The following IL5RA variants were observed in gnomAD, a reference collection of about 807,000 sequenced individuals.
The protein encoded by IL5RA is interleukin-5 receptor subunit alpha.
IL5RA carries 49 observed loss-of-function variants against 50.0 expected under a neutral mutation model. The ratio of observed to expected loss-of-function variants is 0.98; its 90% CI spans 0.78 to 1.24. IL5RA has a LOEUF of 1.24. Ranked by LOEUF, IL5RA falls within the 50% of genes most tolerant of loss-of-function variation. The pLI is 0.00. For synonymous variants in IL5RA, 202 were observed against 174.0 expected, an observed-to-expected ratio of 1.16 and a Z score of -1.26; for missense variants, 600 against 500.4, an observed-to-expected ratio of 1.20 and a Z score of -1.90.
chr3:3,076,578 C>G lies in IL5RA; in HGVS notation c.1044G>C (p.Met348Ile). The G allele has an allele frequency of 2.5e-6, 4 of 1,612,796 alleles. No homozygotes were observed. Among genetic ancestry groups the G allele is most frequent in the Non-Finnish European group, 3.4e-6 (4 of 1,178,974 alleles). Residue 348 changes from methionine (M) to isoleucine (I), a missense_variant, in exon 10 of 12, where the codon ATG becomes ATC. Physicochemically the swap from Met to Ile is conservative, Grantham distance 10 (BLOSUM62 1). Coordinates refer to ENST00000446632, the MANE Select transcript of IL5RA (RefSeq NM_175726.4). ...TTAACAAGATGAAGCAGATGGTTGC[C>G]ATAATCACAATGACAAACCACTCTC... The part of the protein sequence containing the change: ...PLREWFVIVI[M>I]ATICFILLIL...
intron 5 of IL5RA, among the ~76,000 whole-genome samples, chr3:3,100,740 G>A (rs1437566548): frequency 1.3e-5 from 2 of 152,168 alleles, no homozygotes; most frequent in East Asian, 3.8e-4. Flanking sequence ...GTGGTTTGAC[G>A]TAAGCCACAT....
chr3:3,101,471 T>C (rs1703650506), intron 5 of IL5RA, among the ~76,000 whole-genome samples: 1 of 152,204 alleles, frequency 6.6e-6, no homozygotes. Context: ...TGGAGGCCAA[T>C]GCAGAGACAG....
At position 3,098,011 on chromosome 3, in the gene IL5RA, G is replaced by A. The variant is rs771417182; in HGVS notation, c.568C>T (p.Leu190=). The change falls in exon 7 of 12, where the codon CTG becomes TTG. Residue 190 remains leucine, a synonymous_variant. Transcript: ENST00000446632. ...EECQEYSKDT[L]GRNIACWFPR... ...AACCAGCATGCGATATTTCTCCCCA[G>A]TGTGTCTTTGCTGTATTCTTGGCAT... is the stretch of plus-strand genomic sequence containing the variant. 1.2e-6 allele frequency: 2 copies of A among 1,614,218 alleles called. No individual in the cohort carries two copies.
rs1559856794 is a variant in IL5RA, at chr3:3,068,614, A to AAAAAAAC, written c.*1610_*1611insGTTTTTT. On this transcript the variant is annotated 3_prime_UTR_variant, in exon 12 of 12. Transcript: ENST00000446632. ...AAAAAAAAAAAAAAAAAAAACAAAAACAGGTTTGAGATTATGAATCATTTG... is the reference window on the plus strand; with the variant it reads ...AAAAAAAAAAAAAAAAAAAACAAAAAAAAAAACCAGGTTTGAGATTATGAATCATTTG... 1 of 135,618 alleles carries AAAAAAAC rather than the reference A, an allele frequency of 7.4e-6. No homozygotes were observed. The highest frequency in any genetic ancestry group is 2.7e-5 in the African/African-American group (1 of 37,014). The allele number at this position is 135,618 out of a possible 1,614,324, so 8.4% of individuals were successfully genotyped here. A position where few individuals can be genotyped will look rare whatever the true frequency, so the allele number is the denominator to read the frequency against.
At chr3:3,096,378 T>G (rs1575000702) in intron 7 of IL5RA, among the ~76,000 whole-genome samples, 2 of 152,228 alleles carry the variant, frequency 1.3e-5, no homozygotes, top group East Asian at 3.9e-4. Flanking sequence ...CTCACTTGAT[T>G]GTCTTATGGT....
At chr3:3,085,647 C>G (rs1559866350) in intron 9 of IL5RA, among the ~76,000 whole-genome samples, 1 of 152,158 alleles carries the variant, frequency 6.6e-6, no homozygotes, top group Non-Finnish European at 1.5e-5. Flanking sequence ...CAAGTCACCT[C>G]ACACATCAGC....
At chr3:3,091,935 A>T in intron 9 of IL5RA, 1 of 1,074,458 alleles carries the variant, frequency 9.3e-7, no homozygotes. Flanking sequence ...TTATTTCAAA[A>T]TAAAAAGTTT....
In IL5RA at chr3:3,074,465, G is replaced by A. The variant is rs77615991; in HGVS notation, c.1176+317C>T. Among the ~76,000 whole-genome samples the A allele has an allele frequency of 5.6e-3, 845 of 152,230 alleles. 6 individuals carry two copies. The highest frequency in any genetic ancestry group is 0.019 in the African/African-American group (807 of 41,548). On this transcript the variant is annotated intron_variant, in intron 11 of 11. Coordinates refer to ENST00000446632, the MANE Select transcript of IL5RA (RefSeq NM_175726.4). ...CCAATATGTCAGAAGAGTAATGAAC[G>A]TGCATAATAAAACAATCAGGCAAGC...
At chr3:3,085,094 C>A (rs374916319) in intron 9 of IL5RA, among the ~76,000 whole-genome samples, 4 of 152,246 alleles carry the variant, frequency 2.6e-5, no homozygotes, top group South Asian at 4.1e-4. Flanking sequence ...TCCGCCCCCC[C>A]TGGTGGGAAC....
chr3:3,091,227 T>G (rs982334234), intron 9 of IL5RA, among the ~76,000 whole-genome samples: 4 of 152,114 alleles, frequency 2.6e-5, no homozygotes, highest in African/African-American at 9.7e-5. Flanking sequence ...TAAAAAAGTA[T>G]AAAGTCAAAA....
rs1331032461 is a variant in IL5RA, at chr3:3,066,589, C to T, written c.*3636G>A. ...GTGCCATCAGAGATTGTTTTCAGTT[C>T]TCTGTTCTCACTTCCAGATATCTAC... On this transcript the variant is annotated 3_prime_UTR_variant, in exon 12 of 12. Transcript: ENST00000446632. 2.6e-5 allele frequency: 4 copies of T among 152,198 alleles called. No individual in the cohort carries two copies. The highest frequency in any genetic ancestry group is 9.7e-5 in the African/African-American group (4 of 41,438). 9.4% of individuals were successfully genotyped at this position (152,198 alleles called of 1,614,324 possible). A position where few individuals can be genotyped will look rare whatever the true frequency, so the allele number is the denominator to read the frequency against.
rs113621051 is a variant in IL5RA, at chr3:3,102,473, T to C, written c.228+202A>G. Among the ~76,000 whole-genome samples the C allele has an allele frequency of 1.4e-3, 213 of 152,350 alleles. 2 individuals are homozygous for C. The highest frequency in any genetic ancestry group is 4.3e-3 in the African/African-American group (177 of 41,584). On this transcript the variant is annotated intron_variant, in intron 4 of 11. Transcript: ENST00000446632. ...AAAGAATCATCCAAAAGTTAAAATA[T>C]TCTGTGATGCTGTTTAACGCTGAAC...
At position 3,066,814 on chromosome 3, in the gene IL5RA, G is replaced by A. The variant is rs916150207; in HGVS notation, c.*3411C>T. On this transcript the variant is annotated 3_prime_UTR_variant, in exon 12 of 12. Transcript: ENST00000446632. ...TCAGGTGGTCGGGCTGTTGGCAAAT[G>A]TGACCTTCACCCTCCAGTCTCCCCA... 2.6e-5 allele frequency: 4 copies of A among 152,254 alleles called. No individual in the cohort carries two copies. The highest frequency in any genetic ancestry group is 7.2e-5 in the African/African-American group (3 of 41,440). The allele number at this position is 152,254 out of a possible 1,614,324, so 9.4% of individuals were successfully genotyped here.
intron 3 of IL5RA, among the ~76,000 whole-genome samples, chr3:3,104,598 T>G (rs1170194498): frequency 2.0e-5 from 3 of 151,968 alleles, no homozygotes; most frequent in Non-Finnish European, 4.4e-5. Context: ...TGGGGCCTTC[T>G]AACTACTCCC....
intron 9 of IL5RA, chr3:3,090,373 T>A: frequency 1.4e-6 from 1 of 736,830 alleles, no homozygotes; most frequent in Non-Finnish European, 2.3e-6. Flanking sequence ...CATCCCATGC[T>A]CTTATAGACC....
At position 3,085,590 on chromosome 3, in the gene IL5RA, C is replaced by T. The variant is rs185376261; in HGVS notation, c.994+6634G>A. On this transcript the variant is annotated intron_variant, in intron 9 of 11. Coordinates refer to ENST00000446632, the MANE Select transcript of IL5RA (RefSeq NM_175726.4). ...AAAATGAAGATGCATTTGATGGTCC[C>T]AAAGGTGACTTCAGTTTTTGATTCC... Among the ~76,000 whole-genome samples the T allele has an allele frequency of 2.7e-3, 408 of 152,216 alleles. 1 individual carries two copies. The highest frequency in any genetic ancestry group is 9.4e-3 in the African/African-American group (389 of 41,508).
At chr3:3,083,450 C>A (rs115306471) in intron 9 of IL5RA, among the ~76,000 whole-genome samples, 1 of 152,088 alleles carries the variant, frequency 6.6e-6, no homozygotes, top group African/African-American at 2.4e-5. Flanking sequence ...TGTGTGCATG[C>A]GTGTATTTGT....
chr3:3,103,677 A>G (rs957857200), intron 3 of IL5RA, among the ~76,000 whole-genome samples: 4 of 152,254 alleles, frequency 2.6e-5, no homozygotes, highest in African/African-American at 4.8e-5. Flanking sequence ...TACAAAATCA[A>G]TATCTGTTTA....
chr3:3,102,786 T>C lies in IL5RA; in HGVS notation c.117A>G (p.Lys39=), dbSNP rs1703717645. 6.2e-7 allele frequency: 1 copy of C among 1,610,886 alleles called. No homozygotes were observed. Among genetic ancestry groups the C allele is most frequent in the Non-Finnish European group, 8.5e-7 (1 of 1,178,598 alleles). Residue 39 remains lysine, a synonymous_variant, in exon 4 of 12, where the codon AAA becomes AAG. Transcript: ENST00000446632. ...AAAGAACTTGAGCCAAACCAGTAAC[T>C]TTAATGGTGAAATTGACAGGTGGGA... ...SLLPPVNFTI[K]VTGLAQVLLQ...
Sources: allele counts gnomAD v4.1 joint callset (sites outside exome capture counted in the v4.1 genomes callset), GRCh38; gene constraint gnomAD v4.1.1; transcripts MANE v1.5; gene names NCBI Gene and HGNC (gene_info 2026-07-23, HGNC 2026-07-21).